The following ATP8A1 variants were observed in gnomAD, a reference collection of about 807,000 sequenced individuals.
The protein encoded by ATP8A1 is phospholipid-transporting ATPase IA.
Under a neutral mutation model 177.7 loss-of-function variants are expected in ATP8A1, and 90 were observed. The observed-to-expected ratio is 0.51, with a 90% CI of 0.43 to 0.60. The LOEUF (loss-of-function observed/expected upper bound fraction) is 0.60. ATP8A1 is among the 20% of genes least tolerant of loss of function. The pLI, the probability that ATP8A1 is intolerant of heterozygous loss-of-function variation, is 0.00. For missense variants in ATP8A1, 1,072 were observed against 1,392.8 expected, an observed-to-expected ratio of 0.77 and a Z score of 3.67; for synonymous variants, 493 against 485.9, an observed-to-expected ratio of 1.01 and a Z score of -0.19.
At chr4:42,572,816 G>A (rs1475515642) in intron 14 of ATP8A1, among the ~76,000 whole-genome samples, 1 of 152,156 alleles carries the variant, frequency 6.6e-6, no homozygotes, top group African/African-American at 2.4e-5. Context: ...TTAAAGAGTA[G>A]GGAATATCTG....
intron 1 of ATP8A1, among the ~76,000 whole-genome samples, chr4:42,635,780 C>CATATATAGATATATATATATATATAT (rs1317800276): frequency 2.3e-5 from 1 of 43,466 alleles, no homozygotes; most frequent in Non-Finnish European, 5.1e-5. Flanking sequence ...CACACACACA[C>CATATATAGATATATATATATATATAT]ACATATATAT....
chr4:42,631,115 G>A (rs1292544948), intron 1 of ATP8A1, among the ~76,000 whole-genome samples: 2 of 152,200 alleles, frequency 1.3e-5, no homozygotes, highest in African/African-American at 4.8e-5. Context: ...CGGCTTCTGG[G>A]TTAGAGGTTG....
At chr4:42,429,386 G>GT (rs74980807) in intron 33 of ATP8A1, among the ~76,000 whole-genome samples, 253 of 146,164 alleles carry the variant, frequency 1.7e-3, no homozygotes, top group Middle Eastern at 3.6e-3. Context: ...AAAGTGTTTT[G>GT]TTTTTTTTTT....
chr4:42,492,372 G>A (rs1021922364), intron 24 of ATP8A1, among the ~76,000 whole-genome samples: 3 of 152,152 alleles, frequency 2.0e-5, no homozygotes, highest in African/African-American at 7.2e-5. Flanking sequence ...ATTATGGAAT[G>A]AGGGTCTGTA....
intron 25 of ATP8A1, among the ~76,000 whole-genome samples, chr4:42,468,351 G>C (rs944876544): frequency 2.0e-5 from 3 of 151,946 alleles, no homozygotes; most frequent in Admixed American, 1.3e-4. Context: ...TCAACAAGCG[G>C]ATAAAGAAAC....
chr4:42,621,038 A>C (rs2109470300), intron 4 of ATP8A1, among the ~76,000 whole-genome samples: 1 of 152,372 alleles, frequency 6.6e-6, no homozygotes, highest in Non-Finnish European at 1.5e-5. Flanking sequence ...AGAAAAGGGA[A>C]GTCCAAAAGG....
intron 30 of ATP8A1, among the ~76,000 whole-genome samples, chr4:42,448,830 T>TTTTTTTTTTTTTTTTTTTTTTTTTTTTG: frequency 3.7e-4 from 1 of 2,738 alleles, no homozygotes; most frequent in Non-Finnish European, 2.7e-3. Flanking sequence ...TACTTTGCGT[T>TTTTTTTTTTTTTTTTTTTTTTTTTTTTG]TTTTTTTTTT....
intron 23 of ATP8A1, among the ~76,000 whole-genome samples, chr4:42,505,172 G>T (rs114229616): frequency 0.016 from 2,450 of 152,306 alleles, 68 homozygotes; most frequent in African/African-American, 0.055. Flanking sequence ...CAAGGGCAGA[G>T]ATTTTGGGTT....
At position 42,408,888 on chromosome 4, in the gene ATP8A1, A is replaced by G. The variant is rs1303064188; in HGVS notation, c.*4028T>C. ...TTTGCAAGAACAGATTTACCTGTGG[A>G]AAGTTGCTGTTAATTCAAAGTAAGC... On this transcript the variant is annotated 3_prime_UTR_variant, in exon 37 of 37. Coordinates refer to ENST00000381668, the MANE Select transcript of ATP8A1 (RefSeq NM_006095.2). The G allele has an allele frequency of 6.6e-6, 1 of 152,212 alleles. No individual in the cohort carries two copies. Among genetic ancestry groups the G allele is most frequent in the Non-Finnish European group, 1.5e-5 (1 of 68,026 alleles). The allele number at this position is 152,212 out of a possible 1,614,324, so 9.4% of individuals were successfully genotyped here.
intron 5 of ATP8A1, among the ~76,000 whole-genome samples, chr4:42,614,378 T>C (rs896022056): frequency 1.3e-5 from 2 of 152,220 alleles, no homozygotes; most frequent in African/African-American, 4.8e-5. Flanking sequence ...TGTACTTCTG[T>C]TTCAAAAGCT....
intron 36 of ATP8A1, 28 bp downstream of exon 36, chr4:42,414,598 AT>A: frequency 6.4e-7 from 1 of 1,572,032 alleles, no homozygotes; most frequent in Non-Finnish European, 8.8e-7. Flanking sequence ...CAGAGAATTT[AT>A]TTAAAAATAA....
chr4:42,480,929 C>T (rs1721609193), intron 25 of ATP8A1, among the ~76,000 whole-genome samples: 1 of 152,194 alleles, frequency 6.6e-6, no homozygotes. Context: ...ACGATGATTA[C>T]TAGACAGTCT....
chr4:42,537,230 T>C (rs967140115), intron 20 of ATP8A1, among the ~76,000 whole-genome samples: 1 of 151,068 alleles, frequency 6.6e-6, no homozygotes, highest in African/African-American at 2.4e-5. Context: ...CCTTTATGAT[T>C]AAAACCCTCA....
At chr4:42,432,802 T>G (rs1376125809) in intron 33 of ATP8A1, among the ~76,000 whole-genome samples, 2 of 152,170 alleles carry the variant, frequency 1.3e-5, no homozygotes, top group African/African-American at 4.8e-5. Flanking sequence ...GACAAAGGAG[T>G]GCAAATGCCA....
intron 35 of ATP8A1, among the ~76,000 whole-genome samples, chr4:42,416,271 G>T (rs1460476116): frequency 2.6e-5 from 4 of 152,152 alleles, no homozygotes; most frequent in Admixed American, 1.3e-4. Context: ...TGGGGTGCTG[G>T]AAAGTCTTTG....
intron 5 of ATP8A1, among the ~76,000 whole-genome samples, chr4:42,613,496 T>TTTA (rs1736580555): frequency 6.6e-6 from 1 of 152,224 alleles, no homozygotes; most frequent in African/African-American, 2.4e-5. Context: ...TTATAAGACC[T>TTTA]AATACAATTT....
At chr4:42,541,208 G>C (rs1243616731) in intron 20 of ATP8A1, among the ~76,000 whole-genome samples, 1 of 151,948 alleles carries the variant, frequency 6.6e-6, no homozygotes, top group Non-Finnish European at 1.5e-5. Context: ...ATTTAATAAT[G>C]GGCAAAAGAT....
chr4:42,453,890 C>T (rs1444348490), intron 29 of ATP8A1, among the ~76,000 whole-genome samples: 2 of 152,202 alleles, frequency 1.3e-5, no homozygotes, highest in South Asian at 4.2e-4. Flanking sequence ...TTGTGGCTTG[C>T]CATCATTTGT....
chr4:42,566,364 G>C (rs2109306647), intron 15 of ATP8A1, among the ~76,000 whole-genome samples: 1 of 152,252 alleles, frequency 6.6e-6, no homozygotes, highest in Admixed American at 6.5e-5. Context: ...TCAGATTTTG[G>C]ATTTATAGAG....
Sources: allele counts gnomAD v4.1 joint callset (sites outside exome capture counted in the v4.1 genomes callset), GRCh38; gene constraint gnomAD v4.1.1; transcripts MANE v1.5; gene names NCBI Gene and HGNC (gene_info 2026-07-23, HGNC 2026-07-21).